The following AUTS2 variants were observed in gnomAD, a reference collection of about 807,000 sequenced individuals.
AUTS2 encodes activator of transcription and developmental regulator AUTS2.
AUTS2 carries 17 observed loss-of-function variants against 112.4 expected under a neutral mutation model. The ratio of observed to expected loss-of-function variants is 0.15; its 90% confidence interval spans 0.10 to 0.23. AUTS2 has a LOEUF of 0.23. AUTS2 is among the 10% of genes least tolerant of loss of function. The pLI is 1.00. For missense variants in AUTS2, 1,510 were observed against 1,701.6 expected (o/e 0.89, Z 1.98); for synonymous variants, 751 against 702.7 (o/e 1.07, Z -1.09).
At chr7:70,055,469 A>G (rs892520048) in intron 2 of AUTS2, among the ~76,000 whole-genome samples, 24 of 152,178 alleles carry the variant, frequency 1.6e-4, no homozygotes, top group African/African-American at 5.8e-4. Flanking sequence ...TTCAAGCCTC[A>G]AATAACTTAA....
intron 5 of AUTS2, among the ~76,000 whole-genome samples, chr7:70,580,791 A>G (rs1423197197): frequency 1.3e-5 from 2 of 152,208 alleles, no homozygotes; most frequent in Non-Finnish European, 2.9e-5. Flanking sequence ...AGGAAGTTTT[A>G]CGTTGTGTTT....
chr7:70,485,175 G>T (rs192886166), intron 5 of AUTS2, among the ~76,000 whole-genome samples: 1 of 152,068 alleles, frequency 6.6e-6, no homozygotes, highest in South Asian at 2.1e-4. Context: ...AAGACATGGC[G>T]CACACATATG....
In AUTS2 at chr7:70,530,819, C is replaced by T. The variant is rs374541671; in HGVS notation, c.690+95038C>T. On this transcript the variant is annotated intron_variant, in intron 5 of 18. Coordinates refer to ENST00000342771, the MANE Select transcript of AUTS2 (RefSeq NM_015570.4). ...CTCCTGCTTTCCTCTCCTACTGCTT[C>T]CTTCATCACCACCACCTCTAGCTCT... Among the ~76,000 whole-genome samples the T allele has an allele frequency of 3.9e-5, 6 of 152,300 alleles. 1 individual carries two copies. In the East Asian group the frequency reaches 5.8e-4, roughly 15 times the overall value.
chr7:70,059,193 G>A (rs894464473), intron 2 of AUTS2, among the ~76,000 whole-genome samples: 2 of 152,092 alleles, frequency 1.3e-5, no homozygotes, highest in South Asian at 4.1e-4. Context: ...CCAAAACCCT[G>A]ATCTTTTTAC....
intron 2 of AUTS2, among the ~76,000 whole-genome samples, chr7:69,972,852 T>C (rs1221676125): frequency 6.6e-6 from 1 of 152,206 alleles, no homozygotes; most frequent in Admixed American, 6.5e-5. Flanking sequence ...ATTGATTTAA[T>C]GTCTGTTCCT....
At chr7:69,696,470 C>A (rs1008317415) in intron 1 of AUTS2, among the ~76,000 whole-genome samples, 1 of 152,116 alleles carries the variant, frequency 6.6e-6, no homozygotes. Flanking sequence ...TCATTGTTGA[C>A]ATGTCATTGA....
chr7:69,599,811 G>A lies in AUTS2; in HGVS notation c.158G>A (p.Gly53Asp). Residue 53 changes from glycine (G) to aspartate (D), a missense_variant, in exon 1 of 19, where the codon GGC (glycine) becomes GAC (aspartate). By Grantham distance (94) the Gly-to-Asp change is moderately conservative (BLOSUM62 -1). Transcript: ENST00000342771. The surrounding 1 kb of genome is among the most constrained non-coding windows in gnomAD (Gnocchi z 7.0). The part of the protein sequence containing the change: ...TRALSLASSS[G>D]SDKEDNGKPP... ...GCGCTCTCACTCGCCTCGTCGTCGG[G>A]CTCCGACAAGGAAGACAATGGGAAG... The A allele has an allele frequency of 6.2e-7, 1 of 1,603,598 alleles. No homozygotes were observed.
chr7:70,021,144 G>C (rs12698836), intron 2 of AUTS2, among the ~76,000 whole-genome samples: 7,343 of 151,990 alleles, frequency 0.048, 238 homozygotes, highest in Non-Finnish European at 0.07. Flanking sequence ...CACCACACCT[G>C]GCTAATTTTG....
Position 70,516,643 on chromosome 7 carries a change from A to C in AUTS2, c.690+80862A>C, listed in dbSNP as rs1799428553. On this transcript the variant is annotated intron_variant, in intron 5 of 18. Coordinates refer to ENST00000342771, the MANE Select transcript of AUTS2 (RefSeq NM_015570.4). ...CCTTTCCTGGTTATTGTGAGGATTA[A>C]ATGAGAAATTGTATTAGAAACTCCA... 1.3e-5 allele frequency among the ~76,000 whole-genome samples: 2 copies of C among 152,178 alleles called. 1 individual carries two copies. The highest frequency in any genetic ancestry group is 1.3e-4 in the Admixed American group (2 of 15,274).
intron 1 of AUTS2, among the ~76,000 whole-genome samples, chr7:69,781,907 C>G (rs1789158595): frequency 6.6e-6 from 1 of 152,188 alleles, no homozygotes; most frequent in Non-Finnish European, 1.5e-5. Context: ...AAGCCCTAAA[C>G]ATGGGCTCTC....
intron 1 of AUTS2, among the ~76,000 whole-genome samples, chr7:69,716,230 T>TTGTGTG (rs1404347914): frequency 6.6e-6 from 1 of 151,292 alleles, no homozygotes; most frequent in Non-Finnish European, 1.5e-5. Context: ...GTGTGTGTGT[T>TTGTGTG]TGTGTGTGTG....
At chr7:70,563,340 G>A (rs943360513) in intron 5 of AUTS2, among the ~76,000 whole-genome samples, 2 of 152,158 alleles carry the variant, frequency 1.3e-5, no homozygotes, top group Admixed American at 1.3e-4. Flanking sequence ...CCTTTCCAAA[G>A]TACCAAGAGA....
chr7:70,115,641 GT>G (rs1482078864), intron 2 of AUTS2, among the ~76,000 whole-genome samples: 7 of 152,336 alleles, frequency 4.6e-5, no homozygotes. Flanking sequence ...CTGAGAATTA[GT>G]TTTTTCATCC....
At chr7:70,651,393 C>G (rs1423100943) in intron 5 of AUTS2, among the ~76,000 whole-genome samples, 1 of 152,130 alleles carries the variant, frequency 6.6e-6, no homozygotes, top group East Asian at 1.9e-4. Flanking sequence ...TGTTCCTTAA[C>G]TTACATTGGG....
chr7:70,765,145 T>C (rs1789855592), intron 8 of AUTS2, 140 bp downstream of exon 8: 1 of 1,198,834 alleles, frequency 8.3e-7, no homozygotes, highest in Non-Finnish European at 1.2e-6. Flanking sequence ...CCTCAAACGC[T>C]CTCTGGCCTG....
At chr7:70,638,866 A>C (rs1263505902) in intron 5 of AUTS2, among the ~76,000 whole-genome samples, 1 of 152,224 alleles carries the variant, frequency 6.6e-6, no homozygotes, top group Non-Finnish European at 1.5e-5. Context: ...ATCATAAATA[A>C]TAGAGAGCAG....
At chr7:69,933,356 T>A (rs185687298) in intron 2 of AUTS2, among the ~76,000 whole-genome samples, 129 of 152,350 alleles carry the variant, frequency 8.5e-4, no homozygotes, top group Non-Finnish European at 1.1e-3. Flanking sequence ...AGAATGTTTA[T>A]GTAATAGATT....
At chr7:70,242,844 G>C (rs908353164) in intron 4 of AUTS2, among the ~76,000 whole-genome samples, 1 of 152,168 alleles carries the variant, frequency 6.6e-6, no homozygotes, top group South Asian at 2.1e-4. Flanking sequence ...AAAAGAAAGA[G>C]AGCAAGAGAG....
In AUTS2 at chr7:70,752,016, C is replaced by T. The variant is rs768836016; in HGVS notation, c.743-10854C>T. 2.8e-4 allele frequency among the ~76,000 whole-genome samples: 42 copies of T among 151,662 alleles called. 1 individual carries two copies. The highest frequency in any genetic ancestry group is 6.3e-4 in the African/African-American group (26 of 41,170). On this transcript the variant is annotated intron_variant, in intron 6 of 18. Transcript: ENST00000342771. ...CTGGGATTACAGGTATAAGCTGCCA[C>T]GCCTGGCCTGCATACACTGGTTTTA...
Sources: gnomAD v4.1 joint callset for allele counts (sites outside exome capture counted in the v4.1 genomes callset) on GRCh38, gnomAD v4.1.1 for gene constraint, Gnocchi (gnomAD v3.1) non-coding constraint, MANE v1.5 for transcripts, NCBI Gene and HGNC (gene_info 2026-07-23, HGNC 2026-07-21) for gene names.